The following MGLL variants were observed in gnomAD, a reference collection of about 807,000 sequenced individuals.
MGLL encodes monoglyceride lipase.
A neutral mutation model predicts 29.1 loss-of-function variants in MGLL; 7 were observed. The observed-to-expected ratio is 0.24, with a 90% confidence interval of 0.14 to 0.45. The LOEUF (loss-of-function observed/expected upper bound fraction) is 0.45, where lower values mean the gene tolerates loss of function less well. Ranked by LOEUF, MGLL falls within the 20% of genes least tolerant of loss-of-function variation. The pLI, the probability that MGLL is intolerant of heterozygous loss-of-function variation, is 0.99. For missense variants in MGLL, 356 were observed against 413.6 expected (o/e 0.86, Z 1.21); for synonymous variants, 148 against 168.3 (o/e 0.88, Z 0.93).
intron 3 of MGLL, among the ~76,000 whole-genome samples, chr3:127,729,066 T>C (rs2076098255): frequency 1.3e-5 from 2 of 152,144 alleles, no homozygotes; most frequent in Admixed American, 1.3e-4. Context: ...GTATATTAGT[T>C]GGTCATTTGT....
In MGLL at chr3:127,694,284, AAAATATATAT is replaced by A. The variant is rs2075305948; in HGVS notation, c.816+681_816+690del. Among the ~76,000 whole-genome samples, 5 of 106,050 alleles carry A rather than the reference AAAATATATAT, an allele frequency of 4.7e-5. 2 individuals are homozygous for A. Among genetic ancestry groups the A allele is most frequent in the African/African-American group, 6.6e-5 (2 of 30,106 alleles). The allele number at this position is 106,050 out of a possible 152,430, so 69.6% of individuals were successfully genotyped here. A position where few individuals can be genotyped will look rare whatever the true frequency, so the allele number is the denominator to read the frequency against. On this transcript the variant is annotated intron_variant, in intron 7 of 7. Transcript: ENST00000265052. ...TACTCTGTCTGAAAAAAAAAAAAAA[AAAATATATAT>A]ATATATATATATATGTATGTGTGTA...
Position 127,692,094 on chromosome 3 carries a change from A to ATTT in MGLL, c.*101_*103dup, listed in dbSNP as rs11433015. The ATTT allele has an allele frequency of 2.6e-3, 1,858 of 708,128 alleles. 152 individuals are homozygous for ATTT. The highest frequency in any genetic ancestry group is 4.9e-3 in the South Asian group (298 of 60,884). 43.9% of individuals were successfully genotyped at this position (708,128 alleles called of 1,614,324 possible). A position where few individuals can be genotyped will look rare whatever the true frequency, so the allele number is the denominator to read the frequency against. ...GTGCTAAGGATTTCTCCAATTTCTG[A>ATTT]TTTTTTTTTTTTTTTTTTTTTGGCA... On this transcript the variant is annotated 3_prime_UTR_variant, in exon 8 of 8. Transcript: ENST00000265052.
intron 5 of MGLL, 36 bp downstream of exon 5, chr3:127,721,017 C>A (rs979089886): frequency 1.3e-6 from 2 of 1,566,014 alleles, no homozygotes; most frequent in East Asian, 4.5e-5. Context: ...TCCCGGGGAA[C>A]CTGTAGGAAT....
chr3:127,694,423 G>A (rs1054594723), intron 7 of MGLL, among the ~76,000 whole-genome samples: 4 of 150,268 alleles, frequency 2.7e-5, no homozygotes, highest in Admixed American at 6.6e-5. Context: ...ATGTGTGTGT[G>A]TATATATATA....
At chr3:127,771,999 C>G (rs2076956279) in intron 3 of MGLL, among the ~76,000 whole-genome samples, 1 of 152,204 alleles carries the variant, frequency 6.6e-6, no homozygotes, top group African/African-American at 2.4e-5. Flanking sequence ...ACCAACGTCT[C>G]TCAGGGCATC....
At chr3:127,745,900 C>T (rs1260629307) in intron 3 of MGLL, among the ~76,000 whole-genome samples, 1 of 152,172 alleles carries the variant, frequency 6.6e-6, no homozygotes, top group East Asian at 1.9e-4. Flanking sequence ...AAGGGGAAGG[C>T]TGCACAACGG....
chr3:127,775,057 G>A (rs1357069038), intron 3 of MGLL, among the ~76,000 whole-genome samples: 1 of 152,130 alleles, frequency 6.6e-6, no homozygotes, highest in Non-Finnish European at 1.5e-5. Flanking sequence ...TTCATCAAAG[G>A]TAGAGCATTC....
intron 3 of MGLL, among the ~76,000 whole-genome samples, chr3:127,733,259 C>G (rs1284259490): frequency 6.6e-6 from 1 of 152,162 alleles, no homozygotes; most frequent in East Asian, 1.9e-4. Flanking sequence ...CAGGAAGTTA[C>G]CCAGTATAGT....
intron 2 of MGLL, among the ~76,000 whole-genome samples, chr3:127,795,075 G>T (rs1030992748): frequency 5.3e-5 from 8 of 152,126 alleles, no homozygotes; most frequent in Admixed American, 1.3e-4. Flanking sequence ...ACCTCCACTC[G>T]TATGTTCATC....
chr3:127,699,226 C>G (rs531337033), intron 6 of MGLL, among the ~76,000 whole-genome samples: 2 of 152,350 alleles, frequency 1.3e-5, no homozygotes, highest in South Asian at 2.1e-4. Context: ...AGCACTGTCT[C>G]TCTGTGGGAA....
At chr3:127,754,358 G>GAA (rs34543777) in intron 3 of MGLL, among the ~76,000 whole-genome samples, 35 of 149,130 alleles carry the variant, frequency 2.3e-4, no homozygotes, top group Non-Finnish European at 4.0e-4. Flanking sequence ...AAATAAGAAA[G>GAA]AAAAAAAAAA....
intron 7 of MGLL, among the ~76,000 whole-genome samples, chr3:127,694,357 GTGTATATA>G (rs2075313785): frequency 1.2e-5 from 1 of 82,228 alleles, no homozygotes; most frequent in Non-Finnish European, 2.6e-5. Flanking sequence ...GTATATATAT[GTGTATATA>G]TATGTATGTA....
chr3:127,765,758 T>A (rs1576567660), intron 3 of MGLL, among the ~76,000 whole-genome samples: 1 of 152,228 alleles, frequency 6.6e-6, no homozygotes, highest in South Asian at 2.1e-4. Flanking sequence ...AACGGCCGCA[T>A]GTGGCCGCAT....
intron 3 of MGLL, among the ~76,000 whole-genome samples, chr3:127,765,247 T>G (rs2076836578): frequency 6.6e-6 from 1 of 152,208 alleles, no homozygotes; most frequent in Non-Finnish European, 1.5e-5. Context: ...TTTAAACACT[T>G]CAGAAACGGC....
chr3:127,709,481 C>T (rs549341840), intron 6 of MGLL, among the ~76,000 whole-genome samples: 9 of 152,154 alleles, frequency 5.9e-5, no homozygotes, highest in Non-Finnish European at 7.3e-5. Context: ...CGGGCTATTC[C>T]TCTTGAGTTG....
chr3:127,750,332 C>T (rs1200934632), intron 3 of MGLL, among the ~76,000 whole-genome samples: 1 of 152,114 alleles, frequency 6.6e-6, no homozygotes, highest in Non-Finnish European at 1.5e-5. Flanking sequence ...AGTTTTGCTC[C>T]CGGCTCACTG....
chr3:127,702,444 G>C (rs1257462949), intron 6 of MGLL, among the ~76,000 whole-genome samples: 3 of 152,214 alleles, frequency 2.0e-5, no homozygotes, highest in East Asian at 3.9e-4. Flanking sequence ...CCTTGGGCCA[G>C]CCCCAGCTGG....
chr3:127,801,991 C>T (rs1391620322), intron 2 of MGLL, among the ~76,000 whole-genome samples: 1 of 152,066 alleles, frequency 6.6e-6, no homozygotes, highest in African/African-American at 2.4e-5. Context: ...CTTGAGAGCT[C>T]TGTCTGGCCA....
intron 3 of MGLL, among the ~76,000 whole-genome samples, chr3:127,767,357 G>T (rs1456545554): frequency 2.0e-5 from 3 of 152,230 alleles, no homozygotes; most frequent in Non-Finnish European, 2.9e-5. Flanking sequence ...ATTCTTGCCT[G>T]CCTGGTTCCA....
Sources: allele counts gnomAD v4.1 joint callset (sites outside exome capture counted in the v4.1 genomes callset), GRCh38; gene constraint gnomAD v4.1.1; transcripts MANE v1.5; gene names NCBI Gene and HGNC (gene_info 2026-07-23, HGNC 2026-07-21).